Variants in STRN observed in about 807,000 individuals in gnomAD.
STRN encodes the protein striatin.
A neutral mutation model predicts 96.3 loss-of-function variants in STRN; 53 were observed. The ratio of observed to expected loss-of-function variants is 0.55; its 90% CI spans 0.44 to 0.69. The LOEUF is 0.69. Ranked by LOEUF, STRN falls within the 30% of genes least tolerant of loss-of-function variation. The pLI, the probability that STRN is intolerant of heterozygous loss-of-function variation, is 0.00. For missense variants in STRN, 987 were observed against 963.9 expected (o/e 1.02, Z -0.32); for synonymous variants, 428 against 355.9 (o/e 1.20, Z -2.28).
intron 1 of STRN, among the ~76,000 whole-genome samples, chr2:36,949,126 T>C (rs1664686794): frequency 6.6e-6 from 1 of 152,226 alleles, no homozygotes; most frequent in Admixed American, 6.5e-5. Context: ...AATATTCGTC[T>C]TGTGTTACAT....
In STRN at chr2:36,838,233, C is replaced by CA. The variant is rs1416553984; in HGVS notation, c.*11222dup. On this transcript the variant is annotated 3_prime_UTR_variant, in exon 18 of 18. Transcript: ENST00000263918. ...GCAACCTCTAAAGGATCAGATTTGA[C>CA]AGTCAGCTAGGAGACAGGGACCTCC... 6.6e-6 allele frequency among the ~76,000 whole-genome samples: 1 copy of CA among 152,194 alleles called. No homozygotes were observed. The highest frequency in any genetic ancestry group is 1.5e-5 in the Non-Finnish European group (1 of 68,026).
chr2:36,873,536 G>A (rs1668820040), intron 10 of STRN, among the ~76,000 whole-genome samples: 1 of 151,892 alleles, frequency 6.6e-6, no homozygotes, highest in Non-Finnish European at 1.5e-5. Flanking sequence ...CACCAGCCTG[G>A]GTAAGACAGT....
chr2:36,898,379 T>C (rs73924925), intron 6 of STRN, among the ~76,000 whole-genome samples: 1,833 of 152,192 alleles, frequency 0.012, 41 homozygotes, highest in African/African-American at 0.042. Context: ...ATAAGAAAAA[T>C]TGGAAGTTAC....
At chr2:36,901,508 C>A (rs559815849) in intron 5 of STRN, among the ~76,000 whole-genome samples, 1 of 147,102 alleles carries the variant, frequency 6.8e-6, no homozygotes, top group African/African-American at 2.5e-5. Flanking sequence ...GCTGAGATGG[C>A]GCCACTGCAC....
At chr2:36,955,770 G>A (rs574273260) in intron 1 of STRN, among the ~76,000 whole-genome samples, 3 of 152,256 alleles carry the variant, frequency 2.0e-5, no homozygotes, top group East Asian at 3.9e-4. Context: ...ATTGAGTACC[G>A]CTTATATGAA....
intron 12 of STRN, among the ~76,000 whole-genome samples, chr2:36,864,493 C>T (rs910026755): frequency 3.3e-5 from 5 of 152,122 alleles, no homozygotes; most frequent in African/African-American, 1.2e-4. Context: ...CCTTGCAACC[C>T]AGGGATAAAG....
rs70946957 is a variant in STRN, at chr2:36,887,042, GAC to G, written c.932-218_932-217del. ...TTCCTAGAATCAGTTTCTCCTGAAAGACACACACACACACACACACACACACA... is the reference window on the plus strand; with the variant it reads ...TTCCTAGAATCAGTTTCTCCTGAAAGACACACACACACACACACACACACA... On this transcript the variant is annotated intron_variant, in intron 7 of 17. Coordinates refer to ENST00000263918, the MANE Select transcript of STRN (RefSeq NM_003162.4). 6.8e-3 allele frequency among the ~76,000 whole-genome samples: 986 copies of G among 144,876 alleles called. 8 individuals are homozygous for G. Among genetic ancestry groups the G allele is most frequent in the African/African-American group, 0.024 (934 of 38,504 alleles).
In STRN at chr2:36,840,607, C is replaced by T. The variant is rs1311717716; in HGVS notation, c.*8849G>A. ...GATTTTGAAATGGGCTCTCTGATTACTCAGCCAACAAATATTTATAGGGTA... is the reference window on the plus strand; with the variant it reads ...GATTTTGAAATGGGCTCTCTGATTATTCAGCCAACAAATATTTATAGGGTA... On this transcript the variant is annotated 3_prime_UTR_variant, in exon 18 of 18. Transcript: ENST00000263918. 2 of 149,754 alleles carry T rather than the reference C, an allele frequency of 1.3e-5. No homozygotes were observed. Among genetic ancestry groups the T allele is most frequent in the Non-Finnish European group, 2.9e-5 (2 of 67,800 alleles). 9.3% of individuals were successfully genotyped at this position (149,754 alleles called of 1,614,324 possible).
chr2:36,961,023 A>G (rs1365262744), intron 1 of STRN, among the ~76,000 whole-genome samples: 2 of 150,140 alleles, frequency 1.3e-5, no homozygotes, highest in Admixed American at 1.3e-4. Context: ...CAGCCTCACG[A>G]GTAGCTGGGA....
chr2:36,900,681 G>C (rs2148197406), intron 5 of STRN, among the ~76,000 whole-genome samples: 1 of 152,202 alleles, frequency 6.6e-6, no homozygotes, highest in South Asian at 2.1e-4. Context: ...ACGAGGTCAA[G>C]AGATTGAGAC....
At chr2:36,888,129 C>A (rs1181863238) in intron 7 of STRN, among the ~76,000 whole-genome samples, 1 of 152,176 alleles carries the variant, frequency 6.6e-6, no homozygotes, top group Non-Finnish European at 1.5e-5. Context: ...TAAAATATAT[C>A]AGGGAAAACT....
At chr2:36,887,084 C>CACACACACACACAT (rs1281980963) in intron 7 of STRN, among the ~76,000 whole-genome samples, 8 of 118,112 alleles carry the variant, frequency 6.8e-5, no homozygotes, top group African/African-American at 2.0e-4. Context: ...CACACACACA[C>CACACACACACACAT]ACGGAAGATT....
intron 15 of STRN, among the ~76,000 whole-genome samples, chr2:36,854,633 T>A (rs1330946756): frequency 6.6e-6 from 1 of 152,234 alleles, no homozygotes; most frequent in Non-Finnish European, 1.5e-5. Context: ...GTATGTCGTA[T>A]TCTTCATCAA....
chr2:36,913,295 G>A (rs1670009746), intron 3 of STRN, among the ~76,000 whole-genome samples: 2 of 152,062 alleles, frequency 1.3e-5, no homozygotes, highest in Non-Finnish European at 2.9e-5. Context: ...TTACCCCCCA[G>A]CTAACTCTCT....
chr2:36,909,085 G>A (rs1025942638), intron 3 of STRN, among the ~76,000 whole-genome samples: 1 of 151,270 alleles, frequency 6.6e-6, no homozygotes, highest in East Asian at 1.9e-4. Context: ...GAACCAAGGA[G>A]GCGAAGGTTG....
intron 14 of STRN, among the ~76,000 whole-genome samples, chr2:36,857,012 A>T (rs949302028): frequency 2.0e-5 from 3 of 149,842 alleles, no homozygotes; most frequent in Non-Finnish European, 4.4e-5. Context: ...AACCAATTAA[A>T]CCTTTTTTTT....
intron 15 of STRN, among the ~76,000 whole-genome samples, chr2:36,851,705 G>A (rs1244289990): frequency 3.3e-5 from 5 of 152,172 alleles, no homozygotes; most frequent in Non-Finnish European, 4.4e-5. Context: ...AATGTTCTGT[G>A]AGATTTTGCT....
At chr2:36,875,683 G>C (rs1472006098) in intron 10 of STRN, among the ~76,000 whole-genome samples, 2 of 144,650 alleles carry the variant, frequency 1.4e-5, no homozygotes, top group Non-Finnish European at 3.0e-5. Flanking sequence ...TTGAGAGGGA[G>C]TCTCGCTCTA....
chr2:36,914,713 A>G (rs1338595756), intron 3 of STRN, among the ~76,000 whole-genome samples: 1 of 152,236 alleles, frequency 6.6e-6, no homozygotes, highest in Non-Finnish European at 1.5e-5. Context: ...GCAACATGGT[A>G]AAATGGAAAG....
Sources: gnomAD v4.1 joint callset for allele counts (sites outside exome capture counted in the v4.1 genomes callset) on GRCh38, gnomAD v4.1.1 for gene constraint, MANE v1.5 for transcripts, NCBI Gene and HGNC (gene_info 2026-07-23, HGNC 2026-07-21) for gene names.